The following PIK3R3 variants were observed in gnomAD, a reference collection of about 807,000 sequenced individuals.
The protein encoded by PIK3R3 is phosphatidylinositol 3-kinase regulatory subunit gamma.
PIK3R3 carries 64 observed loss-of-function variants against 62.9 expected under a neutral mutation model. The ratio of observed to expected loss-of-function variants is 1.02; its 90% confidence interval spans 0.83 to 1.25. The LOEUF is 1.25. Ranked by LOEUF, PIK3R3 falls within the 50% of genes most tolerant of loss-of-function variation. The probability of loss-of-function intolerance (pLI) is 0.00; values close to 1 mark genes in which losing one functional copy is unlikely to be tolerated. For synonymous variants in PIK3R3, 165 were observed against 189.0 expected (o/e 0.87, Z 1.04); for missense variants, 614 against 561.6 (o/e 1.09, Z -0.94).
upstream of PIK3R3, chr1:46,133,118 A>C: frequency 2.5e-6 from 2 of 810,850 alleles, no homozygotes; most frequent in Non-Finnish European, 3.0e-6. Flanking sequence ...AAGCGGGCCA[A>C]TCAGGAGACA....
intron 1 of PIK3R3, among the ~76,000 whole-genome samples, chr1:46,090,926 T>C (rs1377353490): frequency 2.0e-5 from 3 of 152,184 alleles, no homozygotes; most frequent in South Asian, 4.1e-4. Context: ...TATTGTGGTA[T>C]TGATGATCTG....
At chr1:46,126,668 A>G (rs923276970) in intron 1 of PIK3R3, among the ~76,000 whole-genome samples, 6 of 151,282 alleles carry the variant, frequency 4.0e-5, no homozygotes, top group African/African-American at 1.5e-4. Context: ...TTATGCTAAC[A>G]TGTTTGCCAG....
intron 1 of PIK3R3, among the ~76,000 whole-genome samples, chr1:46,103,538 T>C (rs1652909451): frequency 6.6e-6 from 1 of 151,178 alleles, no homozygotes; most frequent in African/African-American, 2.4e-5. Context: ...TACTGCACTC[T>C]AGCCTGGGCA....
the PIK3R3 span, among the ~76,000 whole-genome samples, chr1:46,166,976 C>G: frequency 6.6e-6 from 1 of 152,258 alleles, no homozygotes; most frequent in Non-Finnish European, 1.5e-5. Context: ...TTCAACCAGG[C>G]TCAGGAGGTC....
chr1:46,135,112 GTCTT>G (rs745589441), upstream of PIK3R3, among the ~76,000 whole-genome samples: 18 of 152,284 alleles, frequency 1.2e-4, 1 homozygote, highest in Middle Eastern at 0.014. Context: ...GATGATTCTG[GTCTT>G]TCTTTCAGTT....
chr1:46,120,566 C>A (rs752843701), intron 1 of PIK3R3, among the ~76,000 whole-genome samples: 1 of 151,728 alleles, frequency 6.6e-6, no homozygotes, highest in Non-Finnish European at 1.5e-5. Flanking sequence ...AGGGAGCCTC[C>A]GTCTCAAAAA....
chr1:46,123,395 G>C (rs1035450876), intron 1 of PIK3R3, among the ~76,000 whole-genome samples: 2 of 152,212 alleles, frequency 1.3e-5, no homozygotes, highest in Admixed American at 6.5e-5. Flanking sequence ...GAAGGAATTC[G>C]ACTAGAAGTA....
chr1:46,065,532 C>T lies in PIK3R3; in HGVS notation c.621+522G>A, dbSNP rs114774225. On this transcript the variant is annotated intron_variant, in intron 5 of 9. Transcript: ENST00000262741. ...CAGCCTCCCCTACAGCTAGCTGTGA[C>T]CTGTAGCTAGGTATGCCCATGTGAC... Among the ~76,000 whole-genome samples, 1,131 of 152,306 alleles carry T rather than the reference C, an allele frequency of 7.4e-3. 17 individuals are homozygous for T. Among genetic ancestry groups the T allele is most frequent in the African/African-American group, 0.026 (1,068 of 41,562 alleles).
intron 3 of PIK3R3, 24 bp downstream of exon 3, chr1:46,077,491 G>A (rs1373083360): frequency 1.2e-5 from 16 of 1,297,040 alleles, no homozygotes; most frequent in Non-Finnish European, 1.7e-5. Context: ...TAGAGAACTA[G>A]CCAAAAGACT....
intron 7 of PIK3R3, among the ~76,000 whole-genome samples, chr1:46,049,351 A>G (rs1647197801): frequency 6.6e-6 from 1 of 152,224 alleles, no homozygotes; most frequent in South Asian, 2.1e-4. Flanking sequence ...GTTTCAGTCT[A>G]AGACAAAAGG....
At chr1:46,086,474 TG>T in intron 1 of PIK3R3, among the ~76,000 whole-genome samples, 1 of 152,070 alleles carries the variant, frequency 6.6e-6, no homozygotes, top group African/African-American at 2.4e-5. Context: ...TCGAGGCAGG[TG>T]GATCACCTGA....
intron 7 of PIK3R3, among the ~76,000 whole-genome samples, chr1:46,052,464 GA>G (rs932799007): frequency 6.6e-6 from 1 of 151,980 alleles, no homozygotes; most frequent in Non-Finnish European, 1.5e-5. Context: ...TGATACCTAA[GA>G]AATTTTTAAT....
At chr1:46,139,753 C>A in the PIK3R3 span, among the ~76,000 whole-genome samples, 1 of 152,186 alleles carries the variant, frequency 6.6e-6, no homozygotes, top group African/African-American at 2.4e-5. Context: ...GAGTATTAAC[C>A]TCACACTTCT....
chr1:46,165,751 C>CTTTTTTT, the PIK3R3 span, among the ~76,000 whole-genome samples: 103 of 39,554 alleles, frequency 2.6e-3, 42 homozygotes, highest in East Asian at 4.1e-3. Flanking sequence ...CTGCTTTGTC[C>CTTTTTTT]TTTTTTTTTT....
rs759926467 is a variant in PIK3R3 at position 46,131,924 on chromosome 1, C to T, written c.29G>A (p.Arg10His). 2 of 1,613,828 alleles carry T rather than the reference C, an allele frequency of 1.2e-6. No homozygotes were observed. Among genetic ancestry groups the T allele is most frequent in the South Asian group, 2.2e-5 (2 of 91,072 alleles). The change falls in exon 1 of 10, where the codon CGC becomes CAC. Residue 10 changes from arginine to histidine, a missense_variant. Transcript: ENST00000262741. MYNTVWSMD[R>H]DDADWREVMM... ...CACCTCCCTCCAGTCTGCGTCATCG[C>T]GGTCCATACTCCACACCGTATTGTA...
At chr1:46,108,620 C>T (rs1653427875) in intron 1 of PIK3R3, among the ~76,000 whole-genome samples, 1 of 152,060 alleles carries the variant, frequency 6.6e-6, no homozygotes, top group East Asian at 1.9e-4. Flanking sequence ...TTGCCCTTTA[C>T]CAGAAAAAAT....
intron 1 of PIK3R3, among the ~76,000 whole-genome samples, chr1:46,105,329 G>A (rs1233630902): frequency 5.3e-5 from 8 of 151,960 alleles, no homozygotes; most frequent in African/African-American, 1.5e-4. Context: ...GTGAAACCCC[G>A]TCTCTACTAA....
At chr1:46,082,364 A>C (rs1650676770) in intron 1 of PIK3R3, among the ~76,000 whole-genome samples, 1 of 152,234 alleles carries the variant, frequency 6.6e-6, no homozygotes, top group Admixed American at 6.5e-5. Context: ...GGAAAGACTG[A>C]GGAAATGTTT....
rs184932706 is a variant in PIK3R3 at position 46,103,088 on chromosome 1, A to G, written c.107-22338T>C. Among the ~76,000 whole-genome samples the G allele has an allele frequency of 8.1e-4, 123 of 152,324 alleles. 1 individual carries two copies. The highest frequency in any genetic ancestry group is 2.8e-3 in the African/African-American group (116 of 41,580). On this transcript the variant is annotated intron_variant, in intron 1 of 9. Transcript: ENST00000262741. ...CCAAAGACAAATATTGCATGATCCC[A>G]CTTACTTATACGAGGTAACTGAAGT...
Sources: allele counts gnomAD v4.1 joint callset (sites outside exome capture counted in the v4.1 genomes callset), GRCh38; gene constraint gnomAD v4.1.1; transcripts MANE v1.5; gene names NCBI Gene and HGNC (gene_info 2026-07-23, HGNC 2026-07-21).